OTUD7B: variants seen among roughly 807,000 people sequenced by gnomAD.
OTUD7B encodes the protein OTU domain-containing protein 7B.
Under a neutral mutation model 82.2 loss-of-function variants are expected in OTUD7B, and 34 were observed. The ratio of observed to expected loss-of-function variants is 0.41; its 90% CI spans 0.31 to 0.55. The LOEUF is 0.55. Ranked by LOEUF, OTUD7B falls within the 20% of genes least tolerant of loss-of-function variation. The probability of loss-of-function intolerance (pLI) is 0.20; values close to 1 mark genes in which losing one functional copy is unlikely to be tolerated. For missense variants in OTUD7B, 944 were observed against 1,062.1 expected (o/e 0.89, Z 1.55); for synonymous variants, 398 against 402.7 (o/e 0.99, Z 0.14).
intron 1 of OTUD7B, among the ~76,000 whole-genome samples, chr1:149,989,203 T>C (rs112900480): frequency 2.6e-5 from 4 of 152,250 alleles, no homozygotes; most frequent in African/African-American, 9.6e-5. Flanking sequence ...CCGGGCGTGG[T>C]GGCTCACACT....
At chr1:150,013,751 T>C (rs1553787875), upstream of OTUD7B, among the ~76,000 whole-genome samples, 1 of 150,756 alleles carries the variant, frequency 6.6e-6, no homozygotes, top group Non-Finnish European at 1.5e-5. Context: ...TGAAACCCTG[T>C]CTCTACTAAA....
At chr1:150,049,020 T>C in the OTUD7B span, among the ~76,000 whole-genome samples, 2 of 151,892 alleles carry the variant, frequency 1.3e-5, no homozygotes, top group Admixed American at 1.3e-4. Context: ...TTTTTTTCAG[T>C]AGAGATGAGG....
rs147477920 is a variant in OTUD7B, at chr1:149,985,810, C to T, written c.-66-8234G>A. 1.9e-3 allele frequency among the ~76,000 whole-genome samples: 289 copies of T among 152,072 alleles called. 2 individuals are homozygous for T. Among genetic ancestry groups the T allele is most frequent in the African/African-American group, 6.7e-3 (279 of 41,474 alleles). The stretch of plus-strand genomic sequence containing the variant: ...CATGATCTGGCTCTACCTAATTCTC[C>T]AGCCTTTTCTACCTCCCATTATTCC... On this transcript the variant is annotated intron_variant, in intron 1 of 11. Coordinates refer to ENST00000581312, the MANE Select transcript of OTUD7B (RefSeq NM_020205.4).
At chr1:150,014,439 T>C (rs887290764), upstream of OTUD7B, among the ~76,000 whole-genome samples, 9 of 148,622 alleles carry the variant, frequency 6.1e-5, no homozygotes, top group African/African-American at 2.2e-4. Flanking sequence ...TTTCATAATG[T>C]TAAACACATT....
chr1:149,962,552 G>A (rs1217981268), intron 6 of OTUD7B: 1 of 152,206 alleles, frequency 6.6e-6, no homozygotes, highest in African/African-American at 2.4e-5. Context: ...ACTTTCAGAT[G>A]GAAAGGCTGA....
the OTUD7B span, among the ~76,000 whole-genome samples, chr1:150,051,739 G>A: frequency 3.3e-5 from 5 of 152,006 alleles, no homozygotes; most frequent in Non-Finnish European, 7.4e-5. Context: ...ATGAAAGGTG[G>A]TTGTTATTAT....
chr1:150,037,630 C>G, the OTUD7B span, among the ~76,000 whole-genome samples: 3 of 152,052 alleles, frequency 2.0e-5, no homozygotes, highest in Non-Finnish European at 4.4e-5. Context: ...TACTCTGTCT[C>G]CCAGGATGGA....
At chr1:150,019,659 C>A in the OTUD7B span, among the ~76,000 whole-genome samples, 2 of 151,878 alleles carry the variant, frequency 1.3e-5, no homozygotes, top group Non-Finnish European at 2.9e-5. Flanking sequence ...GGCGCCCTGG[C>A]CCAATTTTCC....
In OTUD7B at chr1:149,941,243, T is replaced by C. The variant is rs1160129442; in HGVS notation, c.*2614A>G. On this transcript the variant is annotated 3_prime_UTR_variant, in exon 12 of 12. Coordinates refer to ENST00000581312, the MANE Select transcript of OTUD7B (RefSeq NM_020205.4). ...GTGTTAACTAGAATCTAACAACAGATCAAATCCAAACACAGCAGTCCAGTG... is the reference window on the plus strand; with the variant it reads ...GTGTTAACTAGAATCTAACAACAGACCAAATCCAAACACAGCAGTCCAGTG... 2 of 152,192 alleles carry C rather than the reference T, an allele frequency of 1.3e-5. No homozygotes were observed. Among genetic ancestry groups the C allele is most frequent in the African/African-American group, 4.8e-5 (2 of 41,450 alleles). The allele number at this position is 152,192 out of a possible 1,614,324, so 9.4% of individuals were successfully genotyped here.
intron 1 of OTUD7B, among the ~76,000 whole-genome samples, chr1:149,980,874 A>T (rs782196181): frequency 6.6e-6 from 1 of 152,042 alleles, no homozygotes; most frequent in South Asian, 2.1e-4. Context: ...CTAATTAAGC[A>T]TGGTCGTGTG....
At chr1:149,950,973 T>C (rs1449183170) in intron 7 of OTUD7B, among the ~76,000 whole-genome samples, 3 of 28,236 alleles carry the variant, frequency 1.1e-4, no homozygotes, top group African/African-American at 3.8e-4. Context: ...TTTGTACTTT[T>C]TGTATTTTTT....
At chr1:150,049,718 T>C in the OTUD7B span, among the ~76,000 whole-genome samples, 2 of 145,052 alleles carry the variant, frequency 1.4e-5, no homozygotes, top group African/African-American at 5.1e-5. Context: ...GCCTCCCGAG[T>C]AGCTAGGACC....
chr1:149,956,270 AT>A (rs1168977879), intron 7 of OTUD7B, among the ~76,000 whole-genome samples: 6 of 152,142 alleles, frequency 3.9e-5, no homozygotes, highest in Admixed American at 1.3e-4. Context: ...TCTGTAAAGG[AT>A]TTTATTTCTC....
At position 149,974,865 on chromosome 1, in the gene OTUD7B, C is replaced by CTT. The variant is rs1265818563; in HGVS notation, c.85+2559_85+2560dup. On this transcript the variant is annotated intron_variant, in intron 2 of 11. Coordinates refer to ENST00000581312, the MANE Select transcript of OTUD7B (RefSeq NM_020205.4). ...GCACCCAGCCTCTTTCTTTTTCTTT[C>CTT]TTTTTTTTTTAAGAGATGAGGTCTT... 8.1e-4 allele frequency among the ~76,000 whole-genome samples: 120 copies of CTT among 147,332 alleles called. 1 individual carries two copies. The highest frequency in any genetic ancestry group is 2.0e-3 in the Admixed American group (30 of 14,754).
chr1:150,011,662 C>A (rs116746429), upstream of OTUD7B, among the ~76,000 whole-genome samples: 532 of 152,284 alleles, frequency 3.5e-3, 4 homozygotes, highest in Middle Eastern at 0.02. Context: ...TTAGTAAATA[C>A]CTCTTTATGA....
chr1:150,015,236 C>T (rs2101967910), upstream of OTUD7B, among the ~76,000 whole-genome samples: 1 of 150,820 alleles, frequency 6.6e-6, no homozygotes, highest in South Asian at 2.1e-4. Context: ...GGCCCTCTAT[C>T]TGCTTGCACA....
At position 149,945,021 on chromosome 1, in the gene OTUD7B, A is replaced by T. The variant is rs1553771790; in HGVS notation, c.1368T>A (p.Asp456Glu). The T allele has an allele frequency of 6.2e-7, 1 of 1,614,028 alleles. No homozygotes were observed. The highest frequency in any genetic ancestry group is 1.7e-5 in the Admixed American group (1 of 60,004). ...CAGACTCAGGAGTGGACCGGGGCTC[A>T]TCTCCAGCTGAGGCGGTGGGGGACT... ...QPESPTASAG[D>E]EPRSTPESGD... Residue 456 changes from aspartate (D) to glutamate (E), a missense_variant, in exon 12 of 12, where the codon GAT becomes GAA. Transcript: ENST00000581312.
At chr1:150,038,595 C>T in the OTUD7B span, among the ~76,000 whole-genome samples, 5 of 152,046 alleles carry the variant, frequency 3.3e-5, no homozygotes. Context: ...TCATGTTGCC[C>T]AGGCTGGTCT....
chr1:150,002,548 GT>G (rs1279447138), intron 1 of OTUD7B, among the ~76,000 whole-genome samples: 1 of 152,172 alleles, frequency 6.6e-6, no homozygotes, highest in Non-Finnish European at 1.5e-5. Context: ...ATGGAATGAT[GT>G]TAAGTCCTTC....
Sources: gnomAD v4.1 joint callset for allele counts (sites outside exome capture counted in the v4.1 genomes callset) on GRCh38, gnomAD v4.1.1 for gene constraint, MANE v1.5 for transcripts, NCBI Gene and HGNC (gene_info 2026-07-23, HGNC 2026-07-21) for gene names.